PCBP3: variants seen among roughly 807,000 people sequenced by gnomAD.
PCBP3 encodes poly(rC)-binding protein 3.
PCBP3 carries 25 observed loss-of-function variants against 52.7 expected under a neutral mutation model. The ratio of observed to expected loss-of-function variants is 0.47; its 90% CI spans 0.35 to 0.66. PCBP3 has a LOEUF of 0.66. PCBP3 is among the 30% of genes least tolerant of loss of function. The pLI is 0.01. For synonymous variants in PCBP3, 162 were observed against 183.0 expected (o/e 0.89, Z 0.93); for missense variants, 391 against 490.3 (o/e 0.80, Z 1.91).
chr21:45,821,319 C>T lies in PCBP3; in HGVS notation c.-125-28642C>T, dbSNP rs1168318682. 6.6e-6 allele frequency among the ~76,000 whole-genome samples: 1 copy of T among 152,090 alleles called. No individual in the cohort carries two copies. Among genetic ancestry groups the T allele is most frequent in the East Asian group, 1.9e-4 (1 of 5,162 alleles). On this transcript the variant is annotated intron_variant, in intron 4 of 17. Transcript: ENST00000681687. The surrounding 1 kb of genome is among the most constrained non-coding windows in gnomAD (Gnocchi z 4.4). ...TGGCCCAGCACACACTGAGCTCCAG[C>T]CTGATGTCCAGCCCAGGAGGTCCTC...
intron 4 of PCBP3, among the ~76,000 whole-genome samples, chr21:45,771,702 G>A (rs555619372): frequency 1.3e-5 from 2 of 151,574 alleles, no homozygotes; most frequent in African/African-American, 4.8e-5. Flanking sequence ...TGAGGAGTAA[G>A]GCAAGGAAAC....
chr21:45,910,848 G>C, intron 10 of PCBP3, 54 bp from the exon 11 acceptor site: 6 of 1,537,328 alleles, frequency 3.9e-6, no homozygotes, highest in East Asian at 2.3e-5. Context: ...GGGAGGTACT[G>C]CTGCCCCATG....
Position 45,754,971 on chromosome 21 carries a change from A to G in PCBP3, c.-161-446A>G, listed in dbSNP as rs952800329. Among the ~76,000 whole-genome samples, 3 of 152,276 alleles carry G rather than the reference A, an allele frequency of 2.0e-5. No homozygotes were observed. The South Asian group carries it at 6.2e-4, about 32-fold the overall frequency. On this transcript the variant is annotated intron_variant, in intron 3 of 17. Transcript: ENST00000681687. ...GATTGTTCTTGGTATCTTTTTTAAC[A>G]TCAAGTATATTGAGATATAATTTAT...
At chr21:45,680,504 G>GTACTCAATTTAATT (rs2081770831) in intron 2 of PCBP3, among the ~76,000 whole-genome samples, 1 of 152,126 alleles carries the variant, frequency 6.6e-6, no homozygotes, top group African/African-American at 2.4e-5. Flanking sequence ...GAGTATCCAT[G>GTACTCAATTTAATT]TGTTCATTGA....
At chr21:45,748,887 C>T (rs780913022) in intron 3 of PCBP3, among the ~76,000 whole-genome samples, 1 of 152,234 alleles carries the variant, frequency 6.6e-6, no homozygotes, top group Non-Finnish European at 1.5e-5. Flanking sequence ...CACCACGTGA[C>T]CTCGGCTAGG....
chr21:45,852,272 G>C (rs1475348967), intron 5 of PCBP3, among the ~76,000 whole-genome samples: 1 of 152,226 alleles, frequency 6.6e-6, no homozygotes, highest in Non-Finnish European at 1.5e-5. Flanking sequence ...CGGCTTCGAA[G>C]GTCGAGGCAA....
chr21:45,932,594 A>C (rs184616835), intron 15 of PCBP3, among the ~76,000 whole-genome samples: 2,367 of 151,078 alleles, frequency 0.016, 58 homozygotes, highest in African/African-American at 0.054. Flanking sequence ...CACCTGGGCC[A>C]TGCTGTCCCG....
At chr21:45,933,303 G>A (rs1237520536) in intron 15 of PCBP3, among the ~76,000 whole-genome samples, 13 of 152,206 alleles carry the variant, frequency 8.5e-5, no homozygotes, top group African/African-American at 1.4e-4. Flanking sequence ...GGGCCTTGCC[G>A]TCCTGAGATG....
chr21:45,824,667 G>T (rs71324448), intron 4 of PCBP3, among the ~76,000 whole-genome samples: 4 of 152,194 alleles, frequency 2.6e-5, no homozygotes, highest in Non-Finnish European at 4.4e-5. Context: ...GTTTCTGAGG[G>T]TCTGCATGGA....
intron 4 of PCBP3, among the ~76,000 whole-genome samples, chr21:45,770,598 A>G (rs1000108993): frequency 1.2e-4 from 18 of 152,156 alleles, no homozygotes; most frequent in African/African-American, 4.3e-4. Context: ...CCCAGCGTGC[A>G]TGTATGGACA....
chr21:45,687,475 TAAAC>T (rs545199514), intron 2 of PCBP3, among the ~76,000 whole-genome samples: 38 of 152,032 alleles, frequency 2.5e-4, no homozygotes, highest in East Asian at 2.1e-3. Flanking sequence ...AAAGAACTAA[TAAAC>T]AAGAGGAACA....
intron 2 of PCBP3, among the ~76,000 whole-genome samples, chr21:45,703,037 G>C (rs916236993): frequency 6.6e-6 from 1 of 152,024 alleles, no homozygotes; most frequent in South Asian, 2.1e-4. Flanking sequence ...ATTCAAGTTT[G>C]ATCATGAGAT....
At chr21:45,804,805 T>G (rs1431110955) in intron 4 of PCBP3, among the ~76,000 whole-genome samples, 1 of 152,110 alleles carries the variant, frequency 6.6e-6, no homozygotes, top group African/African-American at 2.4e-5. Flanking sequence ...GGCCTGTCCT[T>G]CTGCTGCCAC....
intron 17 of PCBP3, 95 bp downstream of exon 17, chr21:45,940,294 C>G: frequency 9.7e-7 from 1 of 1,026,312 alleles, no homozygotes. Context: ...GGAGGAGGCA[C>G]AGTCTGGGCC....
intron 5 of PCBP3, among the ~76,000 whole-genome samples, chr21:45,873,868 T>TCA (rs1256151532): frequency 3.9e-5 from 6 of 152,242 alleles, no homozygotes; most frequent in Admixed American, 3.9e-4. Flanking sequence ...CAACCTCAGC[T>TCA]CACTATACCC....
At chr21:45,810,692 G>T in intron 4 of PCBP3, among the ~76,000 whole-genome samples, 1 of 152,176 alleles carries the variant, frequency 6.6e-6, no homozygotes, top group East Asian at 1.9e-4. Flanking sequence ...TTTACGCAAT[G>T]ACTTTGGAAT....
chr21:45,659,330 T>C (rs1471064764), intron 1 of PCBP3, among the ~76,000 whole-genome samples: 2 of 148,266 alleles, frequency 1.3e-5, no homozygotes, highest in South Asian at 2.1e-4. Flanking sequence ...TGCTTTCTTT[T>C]ACTTTCCTTT....
chr21:45,736,062 G>C lies in PCBP3; in HGVS notation c.-162+633G>C, dbSNP rs1024398905. ...TTTCTTTTTCTAAAGCTTATTAAAG[G>C]TCATTTTCAAAACGTTTTCAGCAGG... On this transcript the variant is annotated intron_variant, in intron 3 of 17. Transcript: ENST00000681687. This position sits in a 1 kb window ranked among gnomAD's most constrained non-coding sequence, Gnocchi z 4.6. Among the ~76,000 whole-genome samples the C allele has an allele frequency of 6.6e-6, 1 of 152,194 alleles. No individual in the cohort carries two copies. The highest frequency in any genetic ancestry group is 1.9e-4 in the East Asian group (1 of 5,194).
chr21:45,738,976 C>G (rs1326738370), intron 3 of PCBP3, among the ~76,000 whole-genome samples: 2 of 118,406 alleles, frequency 1.7e-5, no homozygotes, highest in African/African-American at 3.3e-5. Flanking sequence ...GGTAGCCCCC[C>G]CATCTTCAGC....
Sources: gnomAD v4.1 joint callset for allele counts (sites outside exome capture counted in the v4.1 genomes callset) on GRCh38, gnomAD v4.1.1 for gene constraint, Gnocchi (gnomAD v3.1) non-coding constraint, MANE v1.5 for transcripts, NCBI Gene and HGNC (gene_info 2026-07-23, HGNC 2026-07-21) for gene names.